SLC35F3: variants seen among roughly 807,000 people sequenced by gnomAD.
SLC35F3 encodes putative thiamine transporter SLC35F3.
SLC35F3 carries 25 observed loss-of-function variants against 49.9 expected under a neutral mutation model. That is an observed-to-expected ratio of 0.50 (90% confidence interval 0.37 to 0.70). The LOEUF (loss-of-function observed/expected upper bound fraction) is 0.70, where lower values mean the gene tolerates loss of function less well. Among genes scored for constraint, SLC35F3 ranks in the 30% least tolerant of loss-of-function variants. The pLI, the probability that SLC35F3 is intolerant of heterozygous loss-of-function variation, is 0.00. For synonymous variants in SLC35F3, 275 were observed against 265.4 expected (o/e 1.04, Z -0.35); for missense variants, 525 against 639.8 (o/e 0.82, Z 1.94).
chr1:234,103,459 G>A (rs1377525074), intron 2 of SLC35F3, among the ~76,000 whole-genome samples: 1 of 152,188 alleles, frequency 6.6e-6, no homozygotes, highest in Non-Finnish European at 1.5e-5. Context: ...CCAAAACCCT[G>A]CCTGCTGAGT....
Position 234,323,293 on chromosome 1 carries a change from C to CG in SLC35F3, c.*53dup, listed in dbSNP as rs763234420. 167 of 1,524,218 alleles carry CG rather than the reference C, an allele frequency of 1.1e-4. No homozygotes were observed. Among genetic ancestry groups the CG allele is most frequent in the Middle Eastern group, 1.7e-4 (1 of 5,924 alleles). The allele number at this position is 1,524,218 out of a possible 1,614,324, so 94.4% of individuals were successfully genotyped here. On this transcript the variant is annotated 3_prime_UTR_variant, in exon 8 of 8. Coordinates refer to ENST00000366618, the MANE Select transcript of SLC35F3 (RefSeq NM_173508.4). This position sits in a 1 kb window ranked among gnomAD's most constrained non-coding sequence, Gnocchi z 4.5. ...TAATGACTGGGAGGTCTATTCCTGCCGGGAGGAACCTCAGTTGGGTAAGGT... is the reference window on the plus strand; with the variant it reads ...TAATGACTGGGAGGTCTATTCCTGCCGGGGAGGAACCTCAGTTGGGTAAGGT...
chr1:234,207,136 G>A (rs956838686), intron 2 of SLC35F3, among the ~76,000 whole-genome samples: 2 of 151,930 alleles, frequency 1.3e-5, no homozygotes, highest in Admixed American at 6.6e-5. Flanking sequence ...AGCTATTTCC[G>A]AACTAAATGG....
At chr1:234,173,009 C>T (rs1244632003) in intron 2 of SLC35F3, among the ~76,000 whole-genome samples, 3 of 152,162 alleles carry the variant, frequency 2.0e-5, no homozygotes, top group Admixed American at 2.0e-4. Context: ...CCAGGAAATT[C>T]TCATTGACAC....
chr1:234,063,053 C>T (rs1039808436), intron 2 of SLC35F3, among the ~76,000 whole-genome samples: 3 of 151,980 alleles, frequency 2.0e-5, no homozygotes, highest in Non-Finnish European at 4.4e-5. Flanking sequence ...CTGAGTTTAA[C>T]CCCCACTTCA....
chr1:234,169,488 G>A (rs1362054502), intron 2 of SLC35F3, among the ~76,000 whole-genome samples: 1 of 152,224 alleles, frequency 6.6e-6, no homozygotes, highest in Non-Finnish European at 1.5e-5. Context: ...GTCACAACGG[G>A]CAGCCAGAGG....
At chr1:233,987,237 C>G (rs1224958079) in intron 2 of SLC35F3, among the ~76,000 whole-genome samples, 1 of 152,100 alleles carries the variant, frequency 6.6e-6, no homozygotes, top group African/African-American at 2.4e-5. Context: ...TGCAATGAGC[C>G]AAGATCGCAC....
intron 3 of SLC35F3, among the ~76,000 whole-genome samples, chr1:234,288,607 G>A (rs573794709): frequency 6.6e-6 from 1 of 152,304 alleles, no homozygotes; most frequent in Non-Finnish European, 1.5e-5. Context: ...AGAAAGAAAA[G>A]ATAATCAAGG....
intron 2 of SLC35F3, among the ~76,000 whole-genome samples, chr1:233,999,425 A>G (rs905076691): frequency 2.0e-5 from 3 of 152,086 alleles, no homozygotes; most frequent in Non-Finnish European, 2.9e-5. Flanking sequence ...CTGCCGCTCC[A>G]TATCTTCCAA....
At chr1:234,034,590 G>A (rs1276721980) in intron 2 of SLC35F3, among the ~76,000 whole-genome samples, 7 of 151,950 alleles carry the variant, frequency 4.6e-5, no homozygotes, top group East Asian at 3.8e-4. Flanking sequence ...GCATGATCTC[G>A]GCTCACTGCA....
chr1:234,049,601 C>A (rs1464031911), intron 2 of SLC35F3, among the ~76,000 whole-genome samples: 4 of 152,154 alleles, frequency 2.6e-5, no homozygotes, highest in Non-Finnish European at 5.9e-5. Flanking sequence ...CAAGCTAATA[C>A]ATCCCTCAAT....
chr1:234,099,213 A>G (rs1297332852), intron 2 of SLC35F3, among the ~76,000 whole-genome samples: 1 of 152,134 alleles, frequency 6.6e-6, no homozygotes, highest in Non-Finnish European at 1.5e-5. Context: ...AAACTACCAT[A>G]GTTTACTTAG....
At chr1:234,064,642 GTAAT>G (rs1664589902) in intron 2 of SLC35F3, among the ~76,000 whole-genome samples, 1 of 152,146 alleles carries the variant, frequency 6.6e-6, no homozygotes, top group Admixed American at 6.6e-5. Context: ...CTCATTTTAT[GTAAT>G]TAATTCCGCA....
At chr1:234,184,967 C>G (rs970738476) in intron 2 of SLC35F3, among the ~76,000 whole-genome samples, 1 of 152,200 alleles carries the variant, frequency 6.6e-6, no homozygotes, top group Non-Finnish European at 1.5e-5. Flanking sequence ...ATTTGTACCA[C>G]ACACTGCATC....
intron 2 of SLC35F3, among the ~76,000 whole-genome samples, chr1:234,100,716 G>T (rs1317340696): frequency 2.0e-5 from 3 of 152,232 alleles, no homozygotes; most frequent in Non-Finnish European, 4.4e-5. Context: ...GGGACAGAGA[G>T]ACCCTTTCTA....
At chr1:234,150,648 G>C (rs1162850940) in intron 2 of SLC35F3, among the ~76,000 whole-genome samples, 1 of 152,206 alleles carries the variant, frequency 6.6e-6, no homozygotes, top group Non-Finnish European at 1.5e-5. Context: ...AGACAGGTAT[G>C]GAGAGGATTC....
chr1:234,042,479 C>G (rs935560619), intron 2 of SLC35F3, among the ~76,000 whole-genome samples: 4 of 151,998 alleles, frequency 2.6e-5, no homozygotes, highest in Non-Finnish European at 5.9e-5. Flanking sequence ...TAAAAAGAAT[C>G]CAAATGACAG....
intron 2 of SLC35F3, among the ~76,000 whole-genome samples, chr1:234,161,292 T>C (rs1387453653): frequency 6.6e-6 from 1 of 152,178 alleles, no homozygotes; most frequent in African/African-American, 2.4e-5. Flanking sequence ...AGCATAGAAA[T>C]GTGAAGTACC....
intron 3 of SLC35F3, among the ~76,000 whole-genome samples, chr1:234,249,817 G>A (rs969569590): frequency 2.6e-5 from 4 of 152,244 alleles, no homozygotes; most frequent in Non-Finnish European, 4.4e-5. Flanking sequence ...ACCTCTGTGC[G>A]TCTAGCCCTG....
intron 2 of SLC35F3, among the ~76,000 whole-genome samples, chr1:234,168,184 G>A (rs1666346416): frequency 1.3e-5 from 2 of 152,194 alleles, no homozygotes; most frequent in Non-Finnish European, 2.9e-5. Flanking sequence ...CTCAATGCCA[G>A]GGTCCTGTCT....
Sources: gnomAD v4.1 joint callset for allele counts (sites outside exome capture counted in the v4.1 genomes callset) on GRCh38, gnomAD v4.1.1 for gene constraint, Gnocchi (gnomAD v3.1) non-coding constraint, MANE v1.5 for transcripts, NCBI Gene and HGNC (gene_info 2026-07-23, HGNC 2026-07-21) for gene names.